Variants in PPP2R5E observed in about 807,000 individuals in gnomAD.
The protein encoded by PPP2R5E is protein phosphatase 2 regulatory subunit B'epsilon, also known as serine/threonine-protein phosphatase 2A 56 kDa regulatory subunit epsilon isoform.
Under a neutral mutation model 65.3 loss-of-function variants are expected in PPP2R5E, and 4 were observed. The observed-to-expected ratio is 0.06, with a 90% confidence interval of 0.03 to 0.14. PPP2R5E has a LOEUF of 0.14. Among genes scored for constraint, PPP2R5E ranks in the 10% least tolerant of loss-of-function variants. The probability of loss-of-function intolerance (pLI) is 1.00; values close to 1 mark genes in which losing one functional copy is unlikely to be tolerated. For missense variants in PPP2R5E, 274 were observed against 556.1 expected, an observed-to-expected ratio of 0.49 and a Z score of 5.10; for synonymous variants, 183 against 187.4, an observed-to-expected ratio of 0.98 and a Z score of 0.19.
intron 2 of PPP2R5E, among the ~76,000 whole-genome samples, chr14:63,526,239 T>G (rs925512888): frequency 6.6e-6 from 1 of 152,172 alleles, no homozygotes; most frequent in Non-Finnish European, 1.5e-5. Flanking sequence ...AGTTCTCTCT[T>G]TGAATCTAAA....
At chr14:63,519,822 C>T (rs146677390) in intron 2 of PPP2R5E, among the ~76,000 whole-genome samples, 1,809 of 151,392 alleles carry the variant, frequency 0.012, 29 homozygotes, top group African/African-American at 0.042. Flanking sequence ...CCACCATGTC[C>T]GGCTAATTTT....
chr14:63,405,939 A>G (rs758214173), intron 5 of PPP2R5E, among the ~76,000 whole-genome samples: 10 of 152,220 alleles, frequency 6.6e-5, no homozygotes, highest in Non-Finnish European at 1.3e-4. Flanking sequence ...ATCTTTGATA[A>G]ATCTCTAACA....
At chr14:63,435,168 T>C (rs1204313896) in intron 3 of PPP2R5E, among the ~76,000 whole-genome samples, 3 of 152,186 alleles carry the variant, frequency 2.0e-5, no homozygotes, top group African/African-American at 4.8e-5. Flanking sequence ...TATACAAGTA[T>C]ATATAATTGC....
At chr14:63,408,606 T>C (rs1453580254) in intron 5 of PPP2R5E, among the ~76,000 whole-genome samples, 1 of 152,222 alleles carries the variant, frequency 6.6e-6, no homozygotes, top group Non-Finnish European at 1.5e-5. Context: ...TTCATAACTC[T>C]AAACGTTTCA....
intron 11 of PPP2R5E, among the ~76,000 whole-genome samples, chr14:63,387,336 C>T (rs986290428): frequency 1.3e-5 from 2 of 152,140 alleles, no homozygotes; most frequent in African/African-American, 4.8e-5. Context: ...TGTATCCAGC[C>T]CCTTAAAGAG....
intron 2 of PPP2R5E, among the ~76,000 whole-genome samples, chr14:63,529,634 C>T (rs1371279321): frequency 1.3e-5 from 2 of 152,074 alleles, no homozygotes; most frequent in Non-Finnish European, 2.9e-5. Flanking sequence ...ACCTCAGCCT[C>T]CCAAAGTGCT....
At chr14:63,482,095 T>C (rs1017751231) in intron 2 of PPP2R5E, among the ~76,000 whole-genome samples, 17 of 152,192 alleles carry the variant, frequency 1.1e-4, no homozygotes, top group African/African-American at 4.1e-4. Context: ...GGAAAAAAAC[T>C]TTTCAGAATC....
intron 2 of PPP2R5E, among the ~76,000 whole-genome samples, chr14:63,505,052 C>T (rs974077839): frequency 2.0e-5 from 3 of 151,948 alleles, no homozygotes; most frequent in Non-Finnish European, 4.4e-5. Context: ...TTACTAAGAC[C>T]GGCCGGGCGT....
At chr14:63,517,950 C>T (rs1317231763) in intron 2 of PPP2R5E, among the ~76,000 whole-genome samples, 1 of 151,942 alleles carries the variant, frequency 6.6e-6, no homozygotes. Context: ...CATTATGTTC[C>T]CCACTATTCC....
intron 4 of PPP2R5E, among the ~76,000 whole-genome samples, chr14:63,418,236 A>G (rs1244132749): frequency 6.6e-6 from 1 of 152,080 alleles, no homozygotes; most frequent in Non-Finnish European, 1.5e-5. Flanking sequence ...TATTCAAATG[A>G]CCCCATCAAG....
At chr14:63,423,020 T>C (rs542493315) in intron 3 of PPP2R5E, among the ~76,000 whole-genome samples, 1 of 152,336 alleles carries the variant, frequency 6.6e-6, no homozygotes, top group South Asian at 2.1e-4. Flanking sequence ...GGCCATGAGT[T>C]GATAACTGTT....
At chr14:63,484,345 TCTCACACA>T (rs1296267652) in intron 2 of PPP2R5E, among the ~76,000 whole-genome samples, 3 of 124,262 alleles carry the variant, frequency 2.4e-5, no homozygotes, top group East Asian at 2.4e-4. Flanking sequence ...TCTCTCTCTC[TCTCACACA>T]CACACACACA....
chr14:63,441,202 T>C, intron 3 of PPP2R5E, among the ~76,000 whole-genome samples: 1 of 147,108 alleles, frequency 6.8e-6, no homozygotes, highest in Admixed American at 6.7e-5. Flanking sequence ...GTGCTGGCCA[T>C]CTTCTTTCAT....
intron 5 of PPP2R5E, among the ~76,000 whole-genome samples, chr14:63,397,830 CAATT>C (rs1291883303): frequency 6.6e-6 from 1 of 151,310 alleles, no homozygotes; most frequent in Non-Finnish European, 1.5e-5. Flanking sequence ...TTCAAGCAAG[CAATT>C]CTCCTGTCTC....
chr14:63,461,972 A>G (rs1280916857), intron 2 of PPP2R5E, among the ~76,000 whole-genome samples: 1 of 151,810 alleles, frequency 6.6e-6, no homozygotes, highest in East Asian at 1.9e-4. Context: ...AAGGGCCTGT[A>G]TTTGGGGATC....
rs928486438 is a variant in PPP2R5E, at chr14:63,542,858, G to T, written c.-87C>A. 6.5e-6 allele frequency: 1 copy of T among 153,932 alleles called. No homozygotes were observed. Among genetic ancestry groups the T allele is most frequent in the African/African-American group, 2.4e-5 (1 of 41,474 alleles). The allele number at this position is 153,932 out of a possible 1,614,324, so 9.5% of individuals were successfully genotyped here. On this transcript the variant is annotated 5_prime_UTR_variant, in exon 1 of 14. Transcript: ENST00000337537. ...GACGGGCGAGGTGGCCGCAGCGGGG[G>T]CGGGCGGCGGGACCGGGACGTGCAG...
Position 63,416,523 on chromosome 14 carries a change from T to G in PPP2R5E, c.457-1291A>C, listed in dbSNP as rs376143574. ...ATCATCACTATTCCTAAAATAACAT[T>G]TGCTAACTTTTTGGTCTCACTCCTT... On this transcript the variant is annotated intron_variant, in intron 4 of 13. Coordinates refer to ENST00000337537, the MANE Select transcript of PPP2R5E (RefSeq NM_006246.5). 5.3e-5 allele frequency among the ~76,000 whole-genome samples: 8 copies of G among 152,024 alleles called. 1 individual carries two copies. In the East Asian group the frequency reaches 5.8e-4, roughly 11 times the overall value.
At chr14:63,461,491 C>G (rs1889455333) in intron 2 of PPP2R5E, among the ~76,000 whole-genome samples, 1 of 152,088 alleles carries the variant, frequency 6.6e-6, no homozygotes, top group African/African-American at 2.4e-5. Context: ...AAAGACAATA[C>G]TTCCTTTCAA....
chr14:63,513,704 A>G (rs928387817), intron 2 of PPP2R5E, among the ~76,000 whole-genome samples: 2 of 152,202 alleles, frequency 1.3e-5, no homozygotes, highest in African/African-American at 4.8e-5. Context: ...ACACACATCA[A>G]ACAAAAATAA....
Sources: gnomAD v4.1 joint callset for allele counts (sites outside exome capture counted in the v4.1 genomes callset) on GRCh38, gnomAD v4.1.1 for gene constraint, MANE v1.5 for transcripts, NCBI Gene and HGNC (gene_info 2026-07-23, HGNC 2026-07-21) for gene names.